The following SPATA9 variants were observed in gnomAD, a reference collection of about 807,000 sequenced individuals.
SPATA9 encodes spermatogenesis associated 9.
SPATA9 carries 27 observed loss-of-function variants against 25.5 expected under a neutral mutation model. The observed-to-expected ratio is 1.06, with a 90% CI of 0.78 to 1.46. The LOEUF (loss-of-function observed/expected upper bound fraction) is 1.46, where lower values mean the gene tolerates loss of function less well. Ranked by LOEUF, SPATA9 falls within the 40% of genes most tolerant of loss-of-function variation. The pLI, the probability that SPATA9 is intolerant of heterozygous loss-of-function variation, is 0.00. For synonymous variants in SPATA9, 102 were observed against 105.7 expected (o/e 0.97, Z 0.21); for missense variants, 282 against 297.5 (o/e 0.95, Z 0.38).
chr5:95,716,365 G>A, the SPATA9 span, among the ~76,000 whole-genome samples: 1 of 152,266 alleles, frequency 6.6e-6, no homozygotes, highest in East Asian at 1.9e-4. Context: ...TGACCTGCAT[G>A]TGAGACATGG....
the SPATA9 span, chr5:95,731,989 A>C: frequency 2.4e-5 from 38 of 1,614,040 alleles, no homozygotes; most frequent in Admixed American, 6.3e-4. Flanking sequence ...CTTGTTGCTG[A>C]ACGCGGCCAG....
the SPATA9 span, chr5:95,732,025 G>C: frequency 6.2e-7 from 1 of 1,614,100 alleles, no homozygotes; most frequent in Non-Finnish European, 8.5e-7. Flanking sequence ...GGTGTTCACC[G>C]AGTATCAGGC....
At chr5:95,667,485 T>G (rs1362573566) in intron 3 of SPATA9, among the ~76,000 whole-genome samples, 1 of 152,156 alleles carries the variant, frequency 6.6e-6, no homozygotes, top group Non-Finnish European at 1.5e-5. Context: ...GGAAAGAGTT[T>G]CCAGGAAATG....
the SPATA9 span, among the ~76,000 whole-genome samples, chr5:95,726,693 T>C: frequency 1.3e-5 from 2 of 152,258 alleles, no homozygotes; most frequent in Non-Finnish European, 2.9e-5. Context: ...TTTTTGCTTG[T>C]GCTTGCATTT....
At chr5:95,664,590 A>G (rs1751577225) in intron 3 of SPATA9, among the ~76,000 whole-genome samples, 1 of 152,234 alleles carries the variant, frequency 6.6e-6, no homozygotes, top group Admixed American at 6.5e-5. Flanking sequence ...TTTAACACCA[A>G]TAATGAAGTT....
At chr5:95,722,763 G>C in the SPATA9 span, among the ~76,000 whole-genome samples, 1 of 152,168 alleles carries the variant, frequency 6.6e-6, no homozygotes, top group African/African-American at 2.4e-5. Flanking sequence ...GATTATAGGC[G>C]TGAGCCACTG....
downstream of SPATA9, chr5:95,654,380 AAATTT>A: frequency 6.4e-7 from 1 of 1,560,210 alleles, no homozygotes; most frequent in Non-Finnish European, 8.7e-7. Context: ...ATGTAAAATT[AAATTT>A]ATTTTCAGCA....
the SPATA9 span, among the ~76,000 whole-genome samples, chr5:95,729,424 C>G: frequency 2.5e-4 from 38 of 152,164 alleles, no homozygotes; most frequent in Non-Finnish European, 4.9e-4. Context: ...TCCAAGTTGT[C>G]AGCAACTTTG....
chr5:95,707,590 C>T, the SPATA9 span, among the ~76,000 whole-genome samples: 1 of 152,130 alleles, frequency 6.6e-6, no homozygotes, highest in African/African-American at 2.4e-5. Flanking sequence ...GGCTTTAAGA[C>T]TATTACAAGG....
At chr5:95,709,056 G>A in the SPATA9 span, among the ~76,000 whole-genome samples, 1 of 152,084 alleles carries the variant, frequency 6.6e-6, no homozygotes, top group African/African-American at 2.4e-5. Flanking sequence ...AATTCAATCC[G>A]CCTTCAGAGC....
chr5:95,723,768 G>A, the SPATA9 span, among the ~76,000 whole-genome samples: 1 of 152,102 alleles, frequency 6.6e-6, no homozygotes, highest in Non-Finnish European at 1.5e-5. Context: ...CAGCCCCAGT[G>A]CTGTGTTCTG....
downstream of SPATA9, chr5:95,656,547 T>C: frequency 2.7e-6 from 1 of 364,644 alleles, no homozygotes; most frequent in African/African-American, 2.1e-5. Context: ...AGGTTATAGG[T>C]TTGGGATGTT....
chr5:95,656,100 T>G, downstream of SPATA9: 1 of 1,613,740 alleles, frequency 6.2e-7, no homozygotes, highest in Non-Finnish European at 8.5e-7. Context: ...CAAAATTACT[T>G]TGGCAACAGG....
chr5:95,699,684 A>G (rs770508058), upstream of SPATA9, among the ~76,000 whole-genome samples: 3 of 152,224 alleles, frequency 2.0e-5, no homozygotes, highest in Non-Finnish European at 4.4e-5. Context: ...TACATTTTAA[A>G]GGCTTAGTTG....
downstream of SPATA9, chr5:95,657,351 C>T (rs1157108748): frequency 1.3e-5 from 2 of 151,680 alleles, no homozygotes; most frequent in Non-Finnish European, 2.9e-5. Context: ...AAATAACACC[C>T]CAAGCACCCA....
intron 3 of SPATA9, among the ~76,000 whole-genome samples, chr5:95,672,054 C>T (rs1752439345): frequency 6.6e-6 from 1 of 152,136 alleles, no homozygotes; most frequent in African/African-American, 2.4e-5. Context: ...GCCAGAGCAG[C>T]AAGTGTGTGA....
At chr5:95,671,479 T>G (rs928499174) in intron 3 of SPATA9, among the ~76,000 whole-genome samples, 3 of 152,212 alleles carry the variant, frequency 2.0e-5, no homozygotes, top group Admixed American at 2.0e-4. Flanking sequence ...GGCACGATCT[T>G]GGCTCACTGC....
chr5:95,669,977 G>A (rs1029538262), intron 3 of SPATA9, among the ~76,000 whole-genome samples: 4 of 152,148 alleles, frequency 2.6e-5, no homozygotes, highest in African/African-American at 9.7e-5. Flanking sequence ...ATAGAGCCAA[G>A]TACAAAAGAA....
At chr5:95,689,089 C>T (rs1259164486) in intron 1 of SPATA9, among the ~76,000 whole-genome samples, 1 of 152,134 alleles carries the variant, frequency 6.6e-6, no homozygotes, top group Non-Finnish European at 1.5e-5. Context: ...CCACAAAACA[C>T]TGCATTTTAA....
Sources: gnomAD v4.1 joint callset for allele counts (sites outside exome capture counted in the v4.1 genomes callset) on GRCh38, gnomAD v4.1.1 for gene constraint, MANE v1.5 for transcripts, NCBI Gene and HGNC (gene_info 2026-07-23, HGNC 2026-07-21) for gene names.